Variants in BAZ2B observed in about 807,000 individuals in gnomAD.
BAZ2B encodes the protein bromodomain adjacent to zinc finger domain protein 2B.
BAZ2B carries 91 observed loss-of-function variants against 246.0 expected under a neutral mutation model. The observed-to-expected ratio is 0.37, with a 90% CI of 0.31 to 0.44. BAZ2B has a LOEUF of 0.44. Ranked by LOEUF, BAZ2B falls within the 20% of genes least tolerant of loss-of-function variation. The pLI is 1.00. For missense variants in BAZ2B, 2,332 were observed against 2,533.7 expected (o/e 0.92, Z 1.71); for synonymous variants, 855 against 860.0 (o/e 0.99, Z 0.10).
the BAZ2B span, among the ~76,000 whole-genome samples, chr2:159,643,245 C>G: frequency 6.6e-6 from 1 of 152,120 alleles, no homozygotes; most frequent in Non-Finnish European, 1.5e-5. Flanking sequence ...GTTCTAAAAG[C>G]TGGTTAAGTC....
chr2:159,409,369 T>C (rs1009032067), intron 14 of BAZ2B, among the ~76,000 whole-genome samples: 1 of 152,222 alleles, frequency 6.6e-6, no homozygotes, highest in African/African-American at 2.4e-5. Context: ...TAGGTGCTAC[T>C]TCATATTTTG....
chr2:159,582,739 T>C lies in BAZ2B; in HGVS notation c.-45-26874A>G, dbSNP rs1362922948. On this transcript the variant is annotated intron_variant, in intron 1 of 36. Coordinates refer to ENST00000392783, the MANE Select transcript of BAZ2B (RefSeq NM_013450.4). ...CAACAAAAATCTATTGGCTCTTTTA[T>C]AAATATGAAATTTAACACATTTCTT... is the stretch of plus-strand genomic sequence containing the variant. Among the ~76,000 whole-genome samples, 5 of 152,212 alleles carry C rather than the reference T, an allele frequency of 3.3e-5. No homozygotes were observed. In the East Asian group the frequency reaches 7.7e-4, roughly 23 times the overall value.
At chr2:159,676,652 C>CACACACACACACACAA in the BAZ2B span, among the ~76,000 whole-genome samples, 1 of 149,938 alleles carries the variant, frequency 6.7e-6, no homozygotes, top group African/African-American at 2.5e-5. Flanking sequence ...TAAATGCACA[C>CACACACACACACACAA]ACACACACAC....
At chr2:159,394,907 CA>C (rs1182457121) in intron 20 of BAZ2B, among the ~76,000 whole-genome samples, 1 of 152,110 alleles carries the variant, frequency 6.6e-6, no homozygotes, top group Non-Finnish European at 1.5e-5. Context: ...GCACAGGTTT[CA>C]AAACAATACA....
At chr2:159,663,769 G>A in the BAZ2B span, among the ~76,000 whole-genome samples, 2 of 150,882 alleles carry the variant, frequency 1.3e-5, no homozygotes, top group Non-Finnish European at 2.9e-5. Context: ...TGCTTGCCTT[G>A]GCCTCCAAAA....
intron 27 of BAZ2B, among the ~76,000 whole-genome samples, chr2:159,370,371 G>A (rs950958498): frequency 7.3e-6 from 1 of 136,424 alleles, no homozygotes; most frequent in Non-Finnish European, 1.5e-5. Context: ...CCTAGGCACT[G>A]TACTACCTTT....
intron 2 of BAZ2B, among the ~76,000 whole-genome samples, chr2:159,515,275 CT>C (rs1348012432): frequency 6.6e-6 from 1 of 151,996 alleles, no homozygotes; most frequent in Non-Finnish European, 1.5e-5. Flanking sequence ...AGAAATAAGA[CT>C]TTTGAGAAAA....
intron 1 of BAZ2B, among the ~76,000 whole-genome samples, chr2:159,559,800 A>C (rs1391382863): frequency 7.9e-5 from 12 of 152,234 alleles, no homozygotes; most frequent in Admixed American, 7.8e-4. Context: ...ATCATTTCAA[A>C]GCTAAGAAAT....
chr2:159,577,095 GTGTATGCC>G (rs1685526651), intron 1 of BAZ2B, among the ~76,000 whole-genome samples: 1 of 151,658 alleles, frequency 6.6e-6, no homozygotes, highest in Non-Finnish European at 1.5e-5. Flanking sequence ...GGGTGCAGTG[GTGTATGCC>G]TCTAGTCCCA....
At chr2:159,670,191 A>G in the BAZ2B span, among the ~76,000 whole-genome samples, 1 of 152,078 alleles carries the variant, frequency 6.6e-6, no homozygotes. Context: ...CGCTGGTCTC[A>G]AACTCCTGAC....
At chr2:159,378,578 T>G (rs992225900) in intron 25 of BAZ2B, among the ~76,000 whole-genome samples, 1 of 151,896 alleles carries the variant, frequency 6.6e-6, no homozygotes, top group Non-Finnish European at 1.5e-5. Context: ...ATATCTAAAA[T>G]ATATAACTCT....
the BAZ2B span, among the ~76,000 whole-genome samples, chr2:159,681,983 A>C: frequency 6.6e-6 from 1 of 152,144 alleles, no homozygotes; most frequent in Non-Finnish European, 1.5e-5. Flanking sequence ...ACGTTAAGGA[A>C]ACCACAGAGA....
At position 159,395,848 on chromosome 2, in the gene BAZ2B, T is replaced by C; in HGVS notation, c.3010-14A>G. On this transcript the variant is annotated splice_polypyrimidine_tract_variant and intron_variant, in intron 19 of 36. Transcript: ENST00000392783. ...TCGCTCTCGTTCCTATTAGGCCAGA[T>C]AAAATGTGGAAAATAACTCAGCCAC... The C allele has an allele frequency of 6.3e-7, 1 of 1,595,748 alleles. No homozygotes were observed. The highest frequency in any genetic ancestry group is 8.5e-7 in the Non-Finnish European group (1 of 1,171,840).
chr2:159,379,968 A>G (rs978543484), intron 25 of BAZ2B, among the ~76,000 whole-genome samples: 3 of 151,816 alleles, frequency 2.0e-5, no homozygotes, highest in African/African-American at 7.3e-5. Flanking sequence ...ATATGTGTCC[A>G]TTTTCATGAC....
At chr2:159,683,076 A>AAC in the BAZ2B span, among the ~76,000 whole-genome samples, 2 of 152,034 alleles carry the variant, frequency 1.3e-5, no homozygotes, top group African/African-American at 4.8e-5. Flanking sequence ...GTACTTGTAT[A>AAC]GAGTTGCCAT....
At chr2:159,539,679 C>T (rs2086424208) in intron 2 of BAZ2B, among the ~76,000 whole-genome samples, 1 of 152,200 alleles carries the variant, frequency 6.6e-6, no homozygotes, top group Admixed American at 6.5e-5. Flanking sequence ...AGTTCAAGAC[C>T]AGCCTCAGCA....
At chr2:159,551,084 C>A (rs542909664) in intron 2 of BAZ2B, among the ~76,000 whole-genome samples, 1 of 152,158 alleles carries the variant, frequency 6.6e-6, no homozygotes, top group Non-Finnish European at 1.5e-5. Flanking sequence ...GCAATCCCCC[C>A]TGTTGGGCTC....
At chr2:159,524,044 A>G (rs1250711645) in intron 2 of BAZ2B, among the ~76,000 whole-genome samples, 1 of 152,184 alleles carries the variant, frequency 6.6e-6, no homozygotes, top group Non-Finnish European at 1.5e-5. Context: ...ATACATATAA[A>G]AAACAAGAAT....
intron 20 of BAZ2B, among the ~76,000 whole-genome samples, chr2:159,393,689 T>A (rs1220048077): frequency 6.6e-6 from 1 of 152,216 alleles, no homozygotes; most frequent in East Asian, 1.9e-4. Flanking sequence ...CTGGTATCTC[T>A]CAGTTTTATT....
Sources: allele counts gnomAD v4.1 joint callset (sites outside exome capture counted in the v4.1 genomes callset), GRCh38; gene constraint gnomAD v4.1.1; transcripts MANE v1.5; gene names NCBI Gene and HGNC (gene_info 2026-07-23, HGNC 2026-07-21).